TULP1: variants seen among roughly 807,000 people sequenced by gnomAD.
TULP1 encodes TUB like protein 1, also known as tubby-related protein 1.
Under a neutral mutation model 67.1 loss-of-function variants are expected in TULP1, and 50 were observed. The observed-to-expected ratio is 0.75, with a 90% confidence interval of 0.59 to 0.94. The LOEUF (loss-of-function observed/expected upper bound fraction) is 0.94. Among genes scored for constraint, TULP1 ranks in the 40% least tolerant of loss-of-function variants. The pLI, the probability that TULP1 is intolerant of heterozygous loss-of-function variation, is 0.00. For synonymous variants in TULP1, 297 were observed against 294.0 expected (o/e 1.01, Z -0.11); for missense variants, 746 against 734.1 (o/e 1.02, Z -0.19).
At chr6:35,502,805 T>G (rs992081199) in intron 13 of TULP1, among the ~76,000 whole-genome samples, 8 of 151,954 alleles carry the variant, frequency 5.3e-5, no homozygotes, top group Middle Eastern at 3.4e-3. Flanking sequence ...GGTCTGACAT[T>G]TTTCACCATA....
At chr6:35,502,184 T>A (rs1760980364) in intron 13 of TULP1, among the ~76,000 whole-genome samples, 3 of 151,978 alleles carry the variant, frequency 2.0e-5, no homozygotes, top group South Asian at 2.1e-4. Context: ...TCTTTTTATT[T>A]TTTATTATTT....
Position 35,503,716 on chromosome 6 carries a change from G to A in TULP1, c.1224+21C>T. 1.2e-6 allele frequency: 2 copies of A among 1,608,352 alleles called. No homozygotes were observed. Among genetic ancestry groups the A allele is most frequent in the Non-Finnish European group, 1.7e-6 (2 of 1,177,392 alleles). ...CCTGTAAGGGGAGCAGCCTGGCATG[G>A]GGGACAGGTGGAGTCCTCACATAGA... On this transcript the variant is annotated intron_variant, in intron 12 of 14. Coordinates refer to ENST00000229771, the MANE Select transcript of TULP1 (RefSeq NM_003322.6). The surrounding 1 kb of genome is among the most constrained non-coding windows in gnomAD (Gnocchi z 4.0).
In TULP1 at chr6:35,506,042, C is replaced by T; in HGVS notation, c.960G>A (p.Met320Ile). ...CCAGGTGCAGGAAGTAGGAGGGATA[C>T]ATGCCTCGATCCATGCCCTTTTTGT... Reference protein sequence around the residue: ...TRDKKGMDRGMYPSYFLHLDT... With the variant: ...TRDKKGMDRGIYPSYFLHLDT... The change falls in exon 10 of 15, where the codon ATG becomes ATA. Residue 320 changes from methionine (M) to isoleucine (I), a missense_variant. By Grantham distance (10) the Met-to-Ile change is conservative (BLOSUM62 1). This residue lies in a region of TULP1 where 383 missense variants were observed against 374.1 expected (regional missense o/e 1.02). Coordinates refer to ENST00000229771, the MANE Select transcript of TULP1 (RefSeq NM_003322.6). 2 of 1,613,954 alleles carry T rather than the reference C, an allele frequency of 1.2e-6. No individual in the cohort carries two copies. The highest frequency in any genetic ancestry group is 1.7e-6 in the Non-Finnish European group (2 of 1,180,040).
At chr6:35,500,236 G>T in intron 13 of TULP1, 84 bp from the exon 14 acceptor site, 11 of 1,451,972 alleles carry the variant, frequency 7.6e-6, no homozygotes, top group Non-Finnish European at 1.1e-5. Flanking sequence ...AAGGGGCCTG[G>T]GCATGTGTGC....
At chr6:35,508,876 T>G (rs926029213) in intron 8 of TULP1, among the ~76,000 whole-genome samples, 1 of 152,170 alleles carries the variant, frequency 6.6e-6, no homozygotes, top group Non-Finnish European at 1.5e-5. Context: ...CATCTGCCTC[T>G]CTGCCTGTGT....
intron 13 of TULP1, among the ~76,000 whole-genome samples, chr6:35,501,560 C>A (rs991057282): frequency 7.2e-6 from 1 of 138,046 alleles, no homozygotes; most frequent in African/African-American, 3.2e-5. Flanking sequence ...GCCTGTAATC[C>A]TAGCACTTTG....
intron 13 of TULP1, among the ~76,000 whole-genome samples, chr6:35,500,813 T>C (rs1768826241): frequency 6.6e-6 from 1 of 152,080 alleles, no homozygotes; most frequent in Non-Finnish European, 1.5e-5. Context: ...GCACCAGGCA[T>C]TTCTTACTGG....
At chr6:35,511,459 AG>A (rs1014456006) in intron 4 of TULP1, among the ~76,000 whole-genome samples, 188 bp downstream of exon 4, 1 of 152,122 alleles carries the variant, frequency 6.6e-6, no homozygotes, top group African/African-American at 2.4e-5. Context: ...ACAATGGTGG[AG>A]GGGGGGAACA....
At position 35,503,898 on chromosome 6, in the gene TULP1, T is replaced by C; in HGVS notation, c.1113-50A>G. ...TGGGGCTGAGGGGATCCTACATCCC[T>C]GCCCCAGGCCCCTTCCACACAGCCA... On this transcript the variant is annotated intron_variant, in intron 11 of 14. Coordinates refer to ENST00000229771, the MANE Select transcript of TULP1 (RefSeq NM_003322.6). The surrounding 1 kb of genome is among the most constrained non-coding windows in gnomAD (Gnocchi z 4.0). The C allele has an allele frequency of 4.2e-6, 6 of 1,431,084 alleles. No individual in the cohort carries two copies. The highest frequency in any genetic ancestry group is 5.8e-6 in the Non-Finnish European group (6 of 1,043,418). 88.6% of individuals were successfully genotyped at this position (1,431,084 alleles called of 1,614,324 possible).
At chr6:35,501,019 T>C (rs942842043) in intron 13 of TULP1, among the ~76,000 whole-genome samples, 3 of 152,160 alleles carry the variant, frequency 2.0e-5, no homozygotes, top group African/African-American at 7.2e-5. Context: ...GGTATTATCT[T>C]TCATTGTAAA....
At chr6:35,505,484 C>T (rs1335381946) in intron 11 of TULP1, 1 of 990,608 alleles carries the variant, frequency 1.0e-6, no homozygotes, top group Admixed American at 2.1e-5. Flanking sequence ...CCAAGTGAGG[C>T]CCTGGGCTGG....
rs755646983 is a variant in TULP1 at position 35,505,841 on chromosome 6, C to A, written c.1012G>T (p.Ala338Ser). Residue 338 changes from alanine to serine, a missense_variant, in exon 11 of 15, where the codon GCT becomes TCT. By Grantham distance (99) the Ala-to-Ser change is moderately conservative. Around this residue, in one of 3 missense-constraint regions of TULP1, gnomAD observed 383 missense variants for 374.1 expected, o/e 1.02. Transcript: ENST00000229771. ...LDTEKKVFLL[A>S]GRKRKRSKTA... Reference sequence around the variant, plus strand: ...TTGCTCCGTTTTCGTTTCCTGCCAGCCAAGAGGAACACCTGGGGAAAAGGG... The same window carrying A: ...TTGCTCCGTTTTCGTTTCCTGCCAGACAAGAGGAACACCTGGGGAAAAGGG... The A allele has an allele frequency of 5.6e-6, 9 of 1,614,016 alleles. No homozygotes were observed. Among genetic ancestry groups the A allele is most frequent in the Non-Finnish European group, 7.6e-6 (9 of 1,180,036 alleles).
chr6:35,510,053 G>T, intron 5 of TULP1, 125 bp from the exon 6 acceptor site: 1 of 851,032 alleles, frequency 1.2e-6, no homozygotes, highest in Non-Finnish European at 1.9e-6. Flanking sequence ...CCCACAGCCT[G>T]CCTTCTTTTT....
chr6:35,512,753 C>T (rs1191971980), intron 1 of TULP1, 59 bp downstream of exon 1: 4 of 1,423,240 alleles, frequency 2.8e-6, no homozygotes, highest in Non-Finnish European at 3.8e-6. Context: ...CACCCACTCC[C>T]CATCCCTCCA....
intron 11 of TULP1, chr6:35,505,533 T>C (rs1761062048): frequency 1.4e-6 from 2 of 1,431,170 alleles, no homozygotes; most frequent in Admixed American, 2.0e-5. Context: ...ATTAAAAATG[T>C]AGACTCCCGG....
At position 35,512,878 on chromosome 6, in the gene TULP1, C is replaced by A; in HGVS notation, c.-20G>T. 4 of 1,611,944 alleles carry A rather than the reference C, an allele frequency of 2.5e-6. No individual in the cohort carries two copies. Among genetic ancestry groups the A allele is most frequent in the Non-Finnish European group, 3.4e-6 (4 of 1,179,996 alleles). The stretch of plus-strand genomic sequence containing the variant: ...AGGCATGGTGCCTTTGCCTATCGCA[C>A]CCCTTTCTCTGCAGGTCTAGGAGCC... On this transcript the variant is annotated 5_prime_UTR_variant, in exon 1 of 15. Transcript: ENST00000229771.
chr6:35,512,788 C>T (rs780985189), intron 1 of TULP1, 24 bp downstream of exon 1: 1 of 1,375,612 alleles, frequency 7.3e-7, no homozygotes, highest in South Asian at 1.1e-5. Flanking sequence ...GGTTCAGGTG[C>T]CACGAACTGG....
rs9688653 is a variant in TULP1 at position 35,509,638 on chromosome 6, C to G, written c.714G>C (p.Lys238Asn). 270 of 1,614,106 alleles carry G rather than the reference C, an allele frequency of 1.7e-4. No individual in the cohort carries two copies. In the African/African-American group the frequency reaches 3.1e-3, roughly 19 times the overall value. The change falls in exon 7 of 15, where the codon AAG becomes AAC. Residue 238 changes from lysine to asparagine, a missense_variant. Around this residue, in one of 3 missense-constraint regions of TULP1, gnomAD observed 359 missense variants for 341.9 expected, o/e 1.05. Transcript: ENST00000229771. ...EGSPDKKALK[K>N]KGTPKGARKE... is the part of the protein sequence containing the mutation. ...CCAGAAGCCCTTGCCATCCACCTTT[C>G]TTCTTCAGGGCTTTCTTGTCAGGAC...
At position 35,498,394 on chromosome 6, in the gene TULP1, G is replaced by A; in HGVS notation, c.1562C>T (p.Pro521Leu). Residue 521 changes from proline (P) to leucine (L), a missense_variant, in exon 15 of 15, where the codon CCG (proline) becomes CTG (leucine). By Grantham distance (98) the Pro-to-Leu change is moderately conservative (BLOSUM62 -3). Transcript: ENST00000229771. The surrounding 1 kb of genome is among the most constrained non-coding windows in gnomAD (Gnocchi z 6.7). ...EDAFTLDYRY[P>L]LCALQAFAIA... ...GGCGAAGGCCTGCAGGGCGCACAGC[G>A]GGTACCGGTAGTCTAGGGTGAAGGC... 1.2e-6 allele frequency: 2 copies of A among 1,613,916 alleles called. No homozygotes were observed. The highest frequency in any genetic ancestry group is 1.7e-6 in the Non-Finnish European group (2 of 1,180,004).
Sources: gnomAD v4.1 joint callset for allele counts (sites outside exome capture counted in the v4.1 genomes callset) on GRCh38, gnomAD v4.1.1 for gene constraint, gnomAD v4.1.1 regional missense constraint, Gnocchi (gnomAD v3.1) non-coding constraint, MANE v1.5 for transcripts, NCBI Gene and HGNC (gene_info 2026-07-23, HGNC 2026-07-21) for gene names.